APPBP2: variants seen among roughly 807,000 people sequenced by gnomAD.
APPBP2 encodes amyloid protein-binding protein 2.
A neutral mutation model predicts 76.0 loss-of-function variants in APPBP2; 15 were observed. The observed-to-expected ratio is 0.20, with a 90% CI of 0.13 to 0.30. The LOEUF is 0.30. APPBP2 is among the 10% of genes least tolerant of loss of function. APPBP2 has a pLI of 1.00. For missense variants in APPBP2, 401 were observed against 687.2 expected (o/e 0.58, Z 4.66); for synonymous variants, 222 against 242.2 (o/e 0.92, Z 0.77).
At chr17:60,511,570 C>G (rs1289651828) in intron 1 of APPBP2, among the ~76,000 whole-genome samples, 10 of 140,804 alleles carry the variant, frequency 7.1e-5, no homozygotes, top group African/African-American at 2.8e-4. Flanking sequence ...GGCGACAGAG[C>G]AAGACTCCAT....
At chr17:60,450,130 T>C (rs1333812095) in intron 12 of APPBP2, among the ~76,000 whole-genome samples, 1 of 151,710 alleles carries the variant, frequency 6.6e-6, no homozygotes, top group African/African-American at 2.4e-5. Context: ...AAAAGTGCTA[T>C]TCACAAAAGA....
chr17:60,488,721 A>C (rs1402254190), intron 3 of APPBP2, among the ~76,000 whole-genome samples: 1 of 152,140 alleles, frequency 6.6e-6, no homozygotes, highest in Non-Finnish European at 1.5e-5. Flanking sequence ...GATTGGCATA[A>C]GTAGATGTGG....
At chr17:60,460,844 T>G in intron 8 of APPBP2, 57 bp from the exon 9 acceptor site, 1 of 1,548,834 alleles carries the variant, frequency 6.5e-7, no homozygotes, top group Non-Finnish European at 8.8e-7. Context: ...CTAGTTAAAT[T>G]AAACATCCTA....
chr17:60,524,436 A>G (rs1425262568), intron 1 of APPBP2, among the ~76,000 whole-genome samples: 1 of 152,168 alleles, frequency 6.6e-6, no homozygotes, highest in African/African-American at 2.4e-5. Flanking sequence ...AAGTAAATCA[A>G]TGTATCAAAG....
chr17:60,454,620 T>C, intron 10 of APPBP2, 128 bp from the exon 11 acceptor site: 1 of 566,216 alleles, frequency 1.8e-6, no homozygotes, highest in Non-Finnish European at 2.8e-6. Context: ...GGTTTGGAAC[T>C]GGTCAAGATG....
intron 9 of APPBP2, among the ~76,000 whole-genome samples, chr17:60,457,068 G>C (rs1473765837): frequency 2.0e-5 from 3 of 151,666 alleles, no homozygotes; most frequent in Non-Finnish European, 4.4e-5. Context: ...CTGGGAGGTG[G>C]AGGTTGCAGC....
chr17:60,494,959 A>T (rs1182687469), intron 2 of APPBP2, among the ~76,000 whole-genome samples: 1 of 147,158 alleles, frequency 6.8e-6, no homozygotes, highest in East Asian at 1.9e-4. Context: ...CAATGAAGAT[A>T]GAAGAGTTTT....
At chr17:60,522,354 C>T (rs1179390870) in intron 1 of APPBP2, among the ~76,000 whole-genome samples, 2 of 151,998 alleles carry the variant, frequency 1.3e-5, no homozygotes, top group Non-Finnish European at 2.9e-5. Flanking sequence ...ATAGGATCTC[C>T]CTCTGTTGCC....
At chr17:60,481,791 T>A (rs1003382614) in intron 3 of APPBP2, among the ~76,000 whole-genome samples, 1 of 152,236 alleles carries the variant, frequency 6.6e-6, no homozygotes, top group African/African-American at 2.4e-5. Flanking sequence ...TTGTGGCAGC[T>A]GTTACAGCTT....
In APPBP2 at chr17:60,443,684, G is replaced by T. The variant is rs1464274059; in HGVS notation, c.*3897C>A. On this transcript the variant is annotated 3_prime_UTR_variant, in exon 13 of 13. Transcript: ENST00000083182. ...ATTTAGTGATCCAACACTTAACTGT[G>T]CACCACAAACCAAGTTTTCTAGATA... 6.6e-6 allele frequency: 1 copy of T among 152,452 alleles called. No homozygotes were observed. The highest frequency in any genetic ancestry group is 1.5e-5 in the Non-Finnish European group (1 of 68,014). The allele number at this position is 152,452 out of a possible 1,614,324, so 9.4% of individuals were successfully genotyped here.
chr17:60,462,120 G>A (rs956971796), intron 6 of APPBP2, 59 bp from the exon 7 acceptor site: 50 of 1,296,256 alleles, frequency 3.9e-5, no homozygotes, highest in Admixed American at 6.8e-5. Flanking sequence ...GCTAAAATAC[G>A]TGTAGTTTAT....
At chr17:60,523,527 T>C (rs73330248) in intron 1 of APPBP2, among the ~76,000 whole-genome samples, 1 of 151,950 alleles carries the variant, frequency 6.6e-6, no homozygotes, top group African/African-American at 2.4e-5. Flanking sequence ...TATATGCTAA[T>C]AGTGTTTAAA....
At chr17:60,467,792 A>C (rs1160439335) in intron 4 of APPBP2, among the ~76,000 whole-genome samples, 1 of 151,822 alleles carries the variant, frequency 6.6e-6, no homozygotes, top group African/African-American at 2.4e-5. Context: ...CTGGTGGGGA[A>C]GCATGTTCCA....
At position 60,467,832 on chromosome 17, in the gene APPBP2, T is replaced by C. The variant is rs906130942; in HGVS notation, c.504-1373A>G. Among the ~76,000 whole-genome samples the C allele has an allele frequency of 1.1e-4, 17 of 151,762 alleles. 1 individual carries two copies. The highest frequency in any genetic ancestry group is 3.9e-4 in the Admixed American group (6 of 15,230). ...AGAAGGAACAGCAAAACAGAAGGAA[T>C]AGCCCCTGAGAAGGGATGGGGGGAA... is the stretch of plus-strand genomic sequence containing the variant. On this transcript the variant is annotated intron_variant, in intron 4 of 12. Transcript: ENST00000083182.
At chr17:60,473,103 T>C (rs752515417) in intron 4 of APPBP2, among the ~76,000 whole-genome samples, 2 of 152,234 alleles carry the variant, frequency 1.3e-5, no homozygotes, top group Non-Finnish European at 2.9e-5. Flanking sequence ...ATGATAATTA[T>C]ATTTGGTCTA....
intron 3 of APPBP2, among the ~76,000 whole-genome samples, chr17:60,493,644 CTTTTTTTTTTT>C (rs551786086): frequency 7.8e-6 from 1 of 128,584 alleles, no homozygotes; most frequent in Admixed American, 7.9e-5. Context: ...TTTTTTTTTT[CTTTTTTTTTTT>C]TTCTGAGACA....
intron 6 of APPBP2, chr17:60,462,510 A>ATTCCT (rs1458308265): frequency 1.3e-5 from 2 of 158,610 alleles, no homozygotes; most frequent in African/African-American, 4.8e-5. Context: ...TTCTTTTCTT[A>ATTCCT]AGAGACAAGG....
chr17:60,498,629 AC>A (rs1175715918), intron 2 of APPBP2, among the ~76,000 whole-genome samples: 1 of 152,310 alleles, frequency 6.6e-6, no homozygotes, highest in South Asian at 2.1e-4. Context: ...ATTGCACATA[AC>A]ATAGGTGATT....
At chr17:60,498,298 T>G (rs76186533) in intron 2 of APPBP2, among the ~76,000 whole-genome samples, 382 of 152,284 alleles carry the variant, frequency 2.5e-3, no homozygotes, top group African/African-American at 8.9e-3. Flanking sequence ...GCAGAACAAA[T>G]TATCTTCTCT....
Sources: gnomAD v4.1 joint callset for allele counts (sites outside exome capture counted in the v4.1 genomes callset) on GRCh38, gnomAD v4.1.1 for gene constraint, MANE v1.5 for transcripts, NCBI Gene and HGNC (gene_info 2026-07-23, HGNC 2026-07-21) for gene names.